CNTNAP2: variants seen among roughly 807,000 people sequenced by gnomAD.
The protein encoded by CNTNAP2 is contactin-associated protein-like 2.
A neutral mutation model predicts 155.2 loss-of-function variants in CNTNAP2; 98 were observed. That is an observed-to-expected ratio of 0.63 (90% CI 0.54 to 0.75). The LOEUF is 0.75. Ranked by LOEUF, CNTNAP2 falls within the 30% of genes least tolerant of loss-of-function variation. CNTNAP2 has a pLI of 0.00. For synonymous variants in CNTNAP2, 651 were observed against 631.2 expected (o/e 1.03, Z -0.47); for missense variants, 1,727 against 1,688.1 (o/e 1.02, Z -0.40).
chr7:147,132,098 T>A (rs1801386682), intron 7 of CNTNAP2, 147 bp from the exon 8 acceptor site: 3 of 1,026,878 alleles, frequency 2.9e-6, no homozygotes, highest in African/African-American at 1.6e-5. Context: ...ATCCAGTCAC[T>A]GAATCCATGC....
At chr7:146,649,906 G>GA (rs1475596767) in intron 1 of CNTNAP2, among the ~76,000 whole-genome samples, 1 of 151,760 alleles carries the variant, frequency 6.6e-6, no homozygotes, top group African/African-American at 2.4e-5. Flanking sequence ...ATAAACATAT[G>GA]AAAAAAAAGT....
intron 1 of CNTNAP2, among the ~76,000 whole-genome samples, chr7:146,288,782 T>C (rs1278862793): frequency 6.8e-6 from 1 of 146,078 alleles, no homozygotes; most frequent in African/African-American, 2.6e-5. Context: ...AAGGGTAGAG[T>C]AAAATTAGTA....
chr7:146,830,245 A>G (rs538893824), intron 2 of CNTNAP2, among the ~76,000 whole-genome samples: 23 of 152,188 alleles, frequency 1.5e-4, no homozygotes, highest in African/African-American at 4.8e-4. Context: ...TTTGATCTAC[A>G]CGTTTTGACC....
In CNTNAP2 at chr7:148,235,605, C is replaced by T. The variant is rs377154434; in HGVS notation, c.3381+5826C>T. Among the ~76,000 whole-genome samples, 6 of 152,120 alleles carry T rather than the reference C, an allele frequency of 3.9e-5. 1 individual carries two copies. The highest frequency in any genetic ancestry group is 1.2e-4 in the African/African-American group (5 of 41,514). On this transcript the variant is annotated intron_variant, in intron 20 of 23. Transcript: ENST00000361727. ...CTCCTGGGCTCCATCCTCTGGGAGG[C>T]TCTTCCTTGTGTGTGTTCAGCCATG...
chr7:146,925,159 A>AT (rs935299561), intron 3 of CNTNAP2, among the ~76,000 whole-genome samples: 12 of 151,774 alleles, frequency 7.9e-5, no homozygotes, highest in African/African-American at 2.7e-4. Flanking sequence ...CTTCTCTTAC[A>AT]TTTTTTTTCT....
intron 13 of CNTNAP2, among the ~76,000 whole-genome samples, chr7:147,679,192 A>C (rs1182644670): frequency 1.3e-5 from 2 of 151,938 alleles, no homozygotes; most frequent in Non-Finnish European, 2.9e-5. Context: ...GCAATCCATT[A>C]TCTGAAAGAT....
intron 16 of CNTNAP2, among the ~76,000 whole-genome samples, chr7:148,126,560 T>C (rs1804720321): frequency 6.6e-6 from 1 of 152,036 alleles, no homozygotes; most frequent in African/African-American, 2.4e-5. Context: ...AAAATTGAAA[T>C]GGAATTTTGT....
chr7:148,042,469 T>C (rs1254676000), intron 15 of CNTNAP2, among the ~76,000 whole-genome samples: 4 of 152,176 alleles, frequency 2.6e-5, no homozygotes, highest in Non-Finnish European at 4.4e-5. Context: ...CTTTTCATTA[T>C]CCTAAAGGAC....
At chr7:146,513,368 C>G (rs910141477) in intron 1 of CNTNAP2, among the ~76,000 whole-genome samples, 1 of 151,854 alleles carries the variant, frequency 6.6e-6, no homozygotes. Context: ...TGTAACTCCT[C>G]TTGGCATTTC....
At chr7:147,444,751 G>A (rs1228661763) in intron 10 of CNTNAP2, among the ~76,000 whole-genome samples, 1 of 152,056 alleles carries the variant, frequency 6.6e-6, no homozygotes, top group African/African-American at 2.4e-5. Context: ...AAGTGCAGGA[G>A]GAAAGCACAG....
rs1398469804 is a variant in CNTNAP2, at chr7:146,964,257, T to A, written c.403-79650T>A. Among the ~76,000 whole-genome samples the A allele has an allele frequency of 3.9e-5, 6 of 152,234 alleles. No individual in the cohort carries two copies. In the East Asian group the frequency reaches 9.6e-4, roughly 24 times the overall value. On this transcript the variant is annotated intron_variant, in intron 3 of 23. Coordinates refer to ENST00000361727, the MANE Select transcript of CNTNAP2 (RefSeq NM_014141.6). ...ACATTTGGAAAACAATAGAATTTGC[T>A]GCAAAGTGTTACAAAAACATGCAAA...
intron 1 of CNTNAP2, among the ~76,000 whole-genome samples, chr7:146,175,280 T>C (rs1333980366): frequency 6.6e-6 from 1 of 152,192 alleles, no homozygotes; most frequent in Non-Finnish European, 1.5e-5. Context: ...TTGAAAAATG[T>C]AAAGTAGTGA....
chr7:147,343,724 C>T (rs1010212444), intron 9 of CNTNAP2, among the ~76,000 whole-genome samples: 1 of 151,958 alleles, frequency 6.6e-6, no homozygotes. Context: ...CCTTTTTTGG[C>T]AAAATATGGT....
chr7:146,765,734 G>A (rs952195963), intron 1 of CNTNAP2, among the ~76,000 whole-genome samples: 1 of 152,178 alleles, frequency 6.6e-6, no homozygotes, highest in African/African-American at 2.4e-5. Context: ...AGAATAGTAA[G>A]CAATGTCTCA....
chr7:146,874,027 T>G (rs947065732), intron 3 of CNTNAP2, among the ~76,000 whole-genome samples: 4 of 151,952 alleles, frequency 2.6e-5, no homozygotes, highest in African/African-American at 9.7e-5. Context: ...TCAGGAGAAA[T>G]AAATCAGAAA....
At chr7:146,142,827 T>G (rs1294857387) in intron 1 of CNTNAP2, among the ~76,000 whole-genome samples, 1 of 152,206 alleles carries the variant, frequency 6.6e-6, no homozygotes, top group African/African-American at 2.4e-5. Flanking sequence ...GTGTTTACAT[T>G]TATCATATTG....
chr7:148,064,352 A>G (rs1221708370), intron 15 of CNTNAP2, among the ~76,000 whole-genome samples: 1 of 152,052 alleles, frequency 6.6e-6, no homozygotes, highest in Non-Finnish European at 1.5e-5. Context: ...TATTCTACCT[A>G]TCCACAAGGA....
At chr7:147,211,335 T>C (rs976379732) in intron 8 of CNTNAP2, among the ~76,000 whole-genome samples, 5 of 152,020 alleles carry the variant, frequency 3.3e-5, no homozygotes, top group African/African-American at 1.2e-4. Context: ...TATATGTTTA[T>C]GACAGTTACG....
chr7:148,258,431 T>C (rs1443990579), intron 20 of CNTNAP2, among the ~76,000 whole-genome samples: 1 of 152,154 alleles, frequency 6.6e-6, no homozygotes, highest in Non-Finnish European at 1.5e-5. Context: ...GCAGAAAACA[T>C]TTAGATGAAC....
Sources: allele counts gnomAD v4.1 joint callset (sites outside exome capture counted in the v4.1 genomes callset), GRCh38; gene constraint gnomAD v4.1.1; transcripts MANE v1.5; gene names NCBI Gene and HGNC (gene_info 2026-07-23, HGNC 2026-07-21).